The following TANC2 variants were observed in gnomAD, a reference collection of about 807,000 sequenced individuals.
TANC2 encodes the protein tetratricopeptide repeat, ankyrin repeat and coiled-coil containing 2, also known as protein TANC2.
Under a neutral mutation model 210.5 loss-of-function variants are expected in TANC2, and 26 were observed. The ratio of observed to expected loss-of-function variants is 0.12; its 90% CI spans 0.09 to 0.17. The LOEUF (loss-of-function observed/expected upper bound fraction) is 0.17, where lower values mean the gene tolerates loss of function less well. Ranked by LOEUF, TANC2 falls within the 10% of genes least tolerant of loss-of-function variation. The pLI is 1.00. For missense variants in TANC2, 2,129 were observed against 2,608.9 expected (o/e 0.82, Z 4.01); for synonymous variants, 931 against 967.1 (o/e 0.96, Z 0.69).
Position 63,412,630 on chromosome 17 carries a change from C to T in TANC2, c.3899-50C>T. 1 of 1,439,834 alleles carries T rather than the reference C, an allele frequency of 6.9e-7. No homozygotes were observed. Among genetic ancestry groups the T allele is most frequent in the Non-Finnish European group, 9.4e-7 (1 of 1,068,688 alleles). 89.2% of individuals were successfully genotyped at this position (1,439,834 alleles called of 1,614,324 possible). On this transcript the variant is annotated intron_variant, in intron 23 of 27. Transcript: ENST00000689528. This position sits in a 1 kb window ranked among gnomAD's most constrained non-coding sequence, Gnocchi z 4.2. Reference sequence around the variant, plus strand: ...TTCTTTTTTTTTTTTTCACCTTCATCCATTTTTTTTTCCTCTCCTACAACT... The same window carrying T: ...TTCTTTTTTTTTTTTTCACCTTCATTCATTTTTTTTTCCTCTCCTACAACT...
At chr17:63,389,502 G>T (rs763513697) in exon 17 of TANC2, 57 of 1,612,554 alleles carry the variant, frequency 3.5e-5, no homozygotes, top group Non-Finnish European at 4.7e-5. Context: ...CAGCAGCAGG[G>T]TACCTGAGCA....
chr17:63,066,682 T>G (rs1426648058), intron 2 of TANC2, among the ~76,000 whole-genome samples: 4 of 151,730 alleles, frequency 2.6e-5, no homozygotes, highest in African/African-American at 9.7e-5. Flanking sequence ...AGGGGAACCA[T>G]CCTCTCTGGT....
intron 3 of TANC2, chr17:63,089,079 C>CAA (rs1476380394): frequency 3.9e-5 from 6 of 152,142 alleles, no homozygotes; most frequent in African/African-American, 1.2e-4. Flanking sequence ...TCTGCTATTA[C>CAA]TACTGTTCAA....
At chr17:63,208,684 A>G (rs2041795614) in intron 7 of TANC2, among the ~76,000 whole-genome samples, 1 of 152,120 alleles carries the variant, frequency 6.6e-6, no homozygotes, top group Non-Finnish European at 1.5e-5. Context: ...GAGCTTCTTT[A>G]GTATCTTTCA....
At chr17:63,204,379 G>T (rs1444108104) in intron 7 of TANC2, among the ~76,000 whole-genome samples, 2 of 151,974 alleles carry the variant, frequency 1.3e-5, no homozygotes. Context: ...TGGATTGGAA[G>T]ACTTGCTATT....
intron 2 of TANC2, among the ~76,000 whole-genome samples, chr17:63,033,573 G>T (rs2034858232): frequency 6.6e-6 from 1 of 152,200 alleles, no homozygotes; most frequent in East Asian, 1.9e-4. Flanking sequence ...AGGAACTGGG[G>T]GTGGGAGGCA....
intron 3 of TANC2, among the ~76,000 whole-genome samples, chr17:63,075,859 T>C (rs1026447256): frequency 1.3e-5 from 2 of 151,964 alleles, no homozygotes; most frequent in Non-Finnish European, 2.9e-5. Flanking sequence ...TGAGTTGAAA[T>C]GAATGAGAAA....
At chr17:63,018,570 C>G (rs765101910) in intron 2 of TANC2, among the ~76,000 whole-genome samples, 3 of 151,938 alleles carry the variant, frequency 2.0e-5, no homozygotes, top group Non-Finnish European at 4.4e-5. Context: ...TATTTGGGTT[C>G]CCCCAGTGGT....
At chr17:63,188,255 G>C (rs1474837103) in intron 5 of TANC2, among the ~76,000 whole-genome samples, 1 of 150,818 alleles carries the variant, frequency 6.6e-6, no homozygotes, top group Non-Finnish European at 1.5e-5. Flanking sequence ...CCTGAGCTCA[G>C]AGGTTCCGGA....
intron 3 of TANC2, among the ~76,000 whole-genome samples, chr17:63,087,643 A>G (rs1027193322): frequency 6.6e-6 from 1 of 152,076 alleles, no homozygotes; most frequent in Non-Finnish European, 1.5e-5. Context: ...TTTCCTCAAT[A>G]CTGACTGAGA....
chr17:63,389,147 C>G (rs2047881721), intron 16 of TANC2, among the ~76,000 whole-genome samples, 161 bp from the exon 17 acceptor site: 1 of 152,014 alleles, frequency 6.6e-6, no homozygotes, highest in Non-Finnish European at 1.5e-5. Context: ...TTTACATTAT[C>G]TACCAAAGGA....
At chr17:63,370,240 G>A (rs1333774524) in intron 14 of TANC2, among the ~76,000 whole-genome samples, 2 of 144,934 alleles carry the variant, frequency 1.4e-5, no homozygotes, top group South Asian at 2.2e-4. Context: ...ATGCAGTGGT[G>A]CAATCTCGGC....
chr17:63,176,367 A>G (rs554777785), intron 5 of TANC2, among the ~76,000 whole-genome samples: 2 of 152,348 alleles, frequency 1.3e-5, no homozygotes, highest in African/African-American at 2.4e-5. Flanking sequence ...AAAGGAGCAA[A>G]CTATTAACAT....
chr17:63,324,857 T>C (rs1175915761), intron 11 of TANC2, among the ~76,000 whole-genome samples: 2 of 152,052 alleles, frequency 1.3e-5, no homozygotes, highest in African/African-American at 4.8e-5. Flanking sequence ...CACATAAATA[T>C]TTGAATGAAG....
intron 2 of TANC2, among the ~76,000 whole-genome samples, chr17:63,050,372 AAAAG>A (rs1307968783): frequency 6.6e-6 from 1 of 151,914 alleles, no homozygotes; most frequent in Non-Finnish European, 1.5e-5. Context: ...AAAAAAAAAA[AAAAG>A]AAAGAAAGTG....
At chr17:63,111,446 G>A (rs1265774097) in intron 4 of TANC2, among the ~76,000 whole-genome samples, 1 of 152,152 alleles carries the variant, frequency 6.6e-6, no homozygotes, top group Non-Finnish European at 1.5e-5. Context: ...TCCTGTCCTT[G>A]TCTGTTTTTT....
intron 1 of TANC2, among the ~76,000 whole-genome samples, chr17:62,975,680 T>C (rs1359651734): frequency 6.6e-6 from 1 of 151,994 alleles, no homozygotes; most frequent in African/African-American, 2.4e-5. Context: ...ATGAGACCAG[T>C]ATATATTGGA....
intron 2 of TANC2, among the ~76,000 whole-genome samples, chr17:63,010,362 G>C (rs540339241): frequency 4.0e-5 from 6 of 151,610 alleles, no homozygotes; most frequent in South Asian, 2.1e-4. Context: ...CTGATTTTTT[G>C]TTTATCTTAT....
intron 2 of TANC2, among the ~76,000 whole-genome samples, chr17:63,026,270 G>T (rs1015317152): frequency 6.6e-6 from 1 of 152,086 alleles, no homozygotes; most frequent in African/African-American, 2.4e-5. Flanking sequence ...CAAGTTTCAT[G>T]TAAGTCCATT....
Sources: allele counts gnomAD v4.1 joint callset (sites outside exome capture counted in the v4.1 genomes callset), GRCh38; gene constraint gnomAD v4.1.1; non-coding constraint Gnocchi (gnomAD v3.1); transcripts MANE v1.5; gene names NCBI Gene and HGNC (gene_info 2026-07-23, HGNC 2026-07-21).